Variants in DOCK4 observed in about 807,000 individuals in gnomAD.
The protein encoded by DOCK4 is dedicator of cytokinesis 4, also known as dedicator of cytokinesis protein 4.
A neutral mutation model predicts 268.1 loss-of-function variants in DOCK4; 97 were observed. The observed-to-expected ratio is 0.36, with a 90% CI of 0.31 to 0.43. The LOEUF (loss-of-function observed/expected upper bound fraction) is 0.43, where lower values mean the gene tolerates loss of function less well. Ranked by LOEUF, DOCK4 falls within the 20% of genes least tolerant of loss-of-function variation. The probability of loss-of-function intolerance (pLI) is 1.00; values close to 1 mark genes in which losing one functional copy is unlikely to be tolerated. For missense variants in DOCK4, 2,145 were observed against 2,455.7 expected, an observed-to-expected ratio of 0.87 and a Z score of 2.67; for synonymous variants, 954 against 887.2, an observed-to-expected ratio of 1.08 and a Z score of -1.34.
intron 25 of DOCK4, among the ~76,000 whole-genome samples, chr7:111,844,526 T>C (rs1235960757): frequency 1.3e-5 from 2 of 152,268 alleles, no homozygotes; most frequent in African/African-American, 4.8e-5. Flanking sequence ...GGGCATGGTA[T>C]GACTAATATC....
chr7:111,768,714 T>C (rs56320202), intron 37 of DOCK4, among the ~76,000 whole-genome samples: 11,287 of 152,274 alleles, frequency 0.074, 578 homozygotes, highest in Non-Finnish European at 0.11. Context: ...AAGTATATGA[T>C]GGGATGCCAC....
intron 1 of DOCK4, among the ~76,000 whole-genome samples, chr7:112,145,397 C>T (rs1366398075): frequency 6.6e-6 from 1 of 152,104 alleles, no homozygotes; most frequent in Non-Finnish European, 1.5e-5. Flanking sequence ...ATATGCTAGG[C>T]CTAAGATTGG....
intron 22 of DOCK4, 80 bp downstream of exon 22, chr7:111,867,904 A>G (rs1806104195): frequency 5.5e-6 from 7 of 1,283,066 alleles, no homozygotes; most frequent in Non-Finnish European, 7.1e-6. Context: ...TGGAGAAAAC[A>G]TTTGATTACG....
intron 36 of DOCK4, 94 bp downstream of exon 36, chr7:111,778,182 C>G: frequency 1.2e-6 from 1 of 805,518 alleles, no homozygotes; most frequent in South Asian, 1.8e-5. Context: ...AGTAGAAATG[C>G]TTGAGTCTTT....
intron 16 of DOCK4, among the ~76,000 whole-genome samples, chr7:111,889,446 A>T (rs1396540595): frequency 1.3e-5 from 2 of 152,104 alleles, no homozygotes; most frequent in East Asian, 3.9e-4. Flanking sequence ...CAGTCTACCT[A>T]AATTTTCAGA....
chr7:111,910,843 C>T (rs1216675272), intron 13 of DOCK4, among the ~76,000 whole-genome samples: 1 of 152,182 alleles, frequency 6.6e-6, no homozygotes, highest in African/African-American at 2.4e-5. Context: ...TGCTGTGTGA[C>T]AGACCCTTAA....
intron 5 of DOCK4, among the ~76,000 whole-genome samples, chr7:111,993,743 C>G (rs558860444): frequency 6.6e-6 from 1 of 152,206 alleles, no homozygotes; most frequent in Admixed American, 6.5e-5. Context: ...TTGATACTAG[C>G]TAAGAAGTCT....
At chr7:111,900,094 G>C (rs1791014416) in intron 15 of DOCK4, among the ~76,000 whole-genome samples, 1 of 152,136 alleles carries the variant, frequency 6.6e-6, no homozygotes, top group South Asian at 2.1e-4. Flanking sequence ...TTTCCCAGTG[G>C]CTTCACATGC....
chr7:112,062,023 A>G (rs1806457466), intron 1 of DOCK4, among the ~76,000 whole-genome samples: 1 of 152,210 alleles, frequency 6.6e-6, no homozygotes, highest in South Asian at 2.1e-4. Context: ...TGAGAAACTG[A>G]GGCTTACAGA....
In DOCK4 at chr7:111,737,002, A is replaced by T; in HGVS notation, c.5233-13T>A. 6.3e-7 allele frequency: 1 copy of T among 1,598,202 alleles called. No homozygotes were observed. The highest frequency in any genetic ancestry group is 1.7e-4 in the Middle Eastern group (1 of 6,044). ...TAAACAGCATCCTCTGCAAAGTTAC[A>T]AGGGTTGATTTTTATGATGTGATAT... On this transcript the variant is annotated splice_polypyrimidine_tract_variant and intron_variant, in intron 49 of 52. Transcript: ENST00000428084.
chr7:112,066,607 C>CGTGTGTATACATATATACACGT (rs148799975), intron 1 of DOCK4, among the ~76,000 whole-genome samples: 3 of 123,358 alleles, frequency 2.4e-5, no homozygotes, highest in Admixed American at 8.1e-5. Flanking sequence ...CATATATACA[C>CGTGTGTATACATATATACACGT]GTGTATACAT....
rs1243150305 is a variant in DOCK4, at chr7:111,778,314, T to C, written c.3641A>G (p.Lys1214Arg). 6 of 1,613,280 alleles carry C rather than the reference T, an allele frequency of 3.7e-6. No homozygotes were observed. The Admixed American group carries it at 5.0e-5, about 13-fold the overall frequency. Residue 1214 changes from lysine to arginine, a missense_variant, in exon 36 of 53, where the codon AAA (lysine) becomes AGA (arginine). By Grantham distance (26) the Lys-to-Arg change is conservative. This residue lies in a region of DOCK4 where 1,598 missense variants were observed against 1,986.7 expected (regional missense o/e 0.80). Transcript: ENST00000428084. ...TGCTTTGAGATGCAGATCATAGAGT[T>C]TGTGAATGTAGCGTATATACATCTC... ...KEEMYIRYIH[K>R]LYDLHLKAQN...
At chr7:112,045,884 C>G (rs1586710955) in intron 1 of DOCK4, among the ~76,000 whole-genome samples, 1 of 152,244 alleles carries the variant, frequency 6.6e-6, no homozygotes, top group East Asian at 1.9e-4. Context: ...GTTTGCCAAA[C>G]CCTCCAAAAA....
intron 1 of DOCK4, among the ~76,000 whole-genome samples, chr7:112,127,030 T>C (rs1342018275): frequency 6.6e-6 from 1 of 151,938 alleles, no homozygotes; most frequent in Non-Finnish European, 1.5e-5. Context: ...GAACTAGAAA[T>C]ACCATTTGAC....
chr7:111,766,491 C>A (rs73432091), intron 38 of DOCK4, among the ~76,000 whole-genome samples: 3 of 152,042 alleles, frequency 2.0e-5, no homozygotes, highest in African/African-American at 7.3e-5. Flanking sequence ...TTGTTTGAAC[C>A]TAAGAGCAAA....
intron 1 of DOCK4, among the ~76,000 whole-genome samples, chr7:112,126,845 C>G (rs1813265657): frequency 6.6e-6 from 1 of 152,082 alleles, no homozygotes; most frequent in Admixed American, 6.5e-5. Flanking sequence ...AAATGCAAAT[C>G]AAAACCACAA....
intron 12 of DOCK4, among the ~76,000 whole-genome samples, chr7:111,920,505 A>G (rs1346768902): frequency 6.6e-6 from 1 of 152,220 alleles, no homozygotes; most frequent in Non-Finnish European, 1.5e-5. Flanking sequence ...CAGGGTTATG[A>G]CACAGGGCAT....
chr7:111,848,527 C>G (rs1246508793), intron 23 of DOCK4, among the ~76,000 whole-genome samples: 1 of 152,184 alleles, frequency 6.6e-6, no homozygotes, highest in East Asian at 1.9e-4. Context: ...ATTCTCTTCT[C>G]TCCCTGAGGA....
At chr7:112,039,055 T>C (rs1024341676) in intron 1 of DOCK4, among the ~76,000 whole-genome samples, 22 of 152,154 alleles carry the variant, frequency 1.4e-4, no homozygotes, top group African/African-American at 4.3e-4. Flanking sequence ...GGGACTTAGA[T>C]GGAGGAGGCA....
Sources: allele counts gnomAD v4.1 joint callset (sites outside exome capture counted in the v4.1 genomes callset), GRCh38; gene constraint gnomAD v4.1.1; regional missense constraint gnomAD v4.1.1; transcripts MANE v1.5; gene names NCBI Gene and HGNC (gene_info 2026-07-23, HGNC 2026-07-21).